Variants in GPI observed in about 807,000 individuals in gnomAD.
GPI encodes the protein D-hexose-6-phosphate anomerase.
Under a neutral mutation model 75.8 loss-of-function variants are expected in GPI, and 56 were observed. That is an observed-to-expected ratio of 0.74 (90% confidence interval 0.60 to 0.92). GPI has a LOEUF of 0.92. Ranked by LOEUF, GPI falls within the 40% of genes least tolerant of loss-of-function variation. The pLI is 0.00. For missense variants in GPI, 638 were observed against 741.0 expected, an observed-to-expected ratio of 0.86 and a Z score of 1.61; for synonymous variants, 288 against 285.4, an observed-to-expected ratio of 1.01 and a Z score of -0.09.
chr19:34,396,507 A>G (rs2074947409), intron 13 of GPI, 74 bp from the exon 14 acceptor site: 1 of 1,611,762 alleles, frequency 6.2e-7, no homozygotes, highest in Non-Finnish European at 8.5e-7. Flanking sequence ...CACTTAGGTC[A>G]GTGCCCTCCT....
At chr19:34,396,164 C>G in intron 12 of GPI, 137 bp from the exon 13 acceptor site, 1 of 866,052 alleles carries the variant, frequency 1.2e-6, no homozygotes, top group Non-Finnish European at 1.9e-6. Context: ...TCTCAAACTT[C>G]CAACCTCAGG....
At chr19:34,387,974 A>G (rs1391659787) in intron 9 of GPI, among the ~76,000 whole-genome samples, 2 of 152,146 alleles carry the variant, frequency 1.3e-5, no homozygotes, top group East Asian at 3.9e-4. Context: ...AGCCGTAGTC[A>G]TTGTAGGTGT....
intron 12 of GPI, among the ~76,000 whole-genome samples, chr19:34,395,871 AAG>A (rs1450277421): frequency 6.6e-6 from 1 of 150,886 alleles, no homozygotes; most frequent in East Asian, 1.9e-4. Flanking sequence ...ACAGTGTGTG[AAG>A]GATCAAGACT....
At position 34,368,642 on chromosome 19, in the gene GPI, C is replaced by T. The variant is rs749722975; in HGVS notation, c.342C>T (p.Asp114=). The T allele has an allele frequency of 1.2e-5, 19 of 1,613,988 alleles. No homozygotes were observed. Among genetic ancestry groups the T allele is most frequent in the East Asian group, 6.7e-5 (3 of 44,902 alleles). ...GGTCAAACACACCCATCCTGGTAGA[C>T]GGCAAGGATGTGATGCCAGAGGTCA... is the stretch of plus-strand genomic sequence containing the variant. ...RNRSNTPILV[D]GKDVMPEVNK... The change falls in exon 4 of 18, where the codon GAC becomes GAT. Residue 114 remains aspartate, a synonymous_variant. Transcript: ENST00000356487.
chr19:34,368,517 C>G (rs1599805564), intron 3 of GPI, 66 bp from the exon 4 acceptor site: 1 of 1,591,826 alleles, frequency 6.3e-7, no homozygotes, highest in African/African-American at 1.3e-5. Context: ...GGCACCATGC[C>G]CAGCTGGGAG....
chr19:34,380,820 C>T lies in GPI; in HGVS notation c.751-646C>T, dbSNP rs148976365. 3.2e-4 allele frequency: 58 copies of T among 181,242 alleles called. No homozygotes were observed. In the East Asian group the frequency reaches 7.2e-3, roughly 22 times the overall value. The allele number at this position is 181,242 out of a possible 1,614,324, so 11.2% of individuals were successfully genotyped here. ...ACCATCATCCCCACATCTCTGCCTC[C>T]AGTGCCTACCCAGCTGCAGCAGGAC... On this transcript the variant is annotated intron_variant, in intron 8 of 17. Coordinates refer to ENST00000356487, the MANE Select transcript of GPI (RefSeq NM_000175.5).
At chr19:34,390,147 C>G (rs2074800169) in intron 9 of GPI, among the ~76,000 whole-genome samples, 1 of 151,962 alleles carries the variant, frequency 6.6e-6, no homozygotes, top group Admixed American at 6.6e-5. Flanking sequence ...GGCACAGGTA[C>G]AAAGTGATGA....
At chr19:34,364,024 C>CTT (rs1488271050), upstream of GPI, among the ~76,000 whole-genome samples, 1 of 151,824 alleles carries the variant, frequency 6.6e-6, no homozygotes, top group Non-Finnish European at 1.5e-5. Flanking sequence ...TCCCTATTTT[C>CTT]TTTTCTTTTC....
rs976102714 is a variant in GPI, at chr19:34,393,833, C to A, written c.909+62C>A. 6.2e-6 allele frequency: 10 copies of A among 1,602,010 alleles called. No individual in the cohort carries two copies. The highest frequency in any genetic ancestry group is 8.5e-6 in the Non-Finnish European group (10 of 1,170,486). On this transcript the variant is annotated intron_variant, in intron 11 of 17. Coordinates refer to ENST00000356487, the MANE Select transcript of GPI (RefSeq NM_000175.5). This position sits in a 1 kb window ranked among gnomAD's most constrained non-coding sequence, Gnocchi z 4.4. ...CAGAGGCGCGTGTGTTGGTCCTGGT[C>A]CCCCGCTTTCTCCCCCACTGTCCTG...
intron 9 of GPI, among the ~76,000 whole-genome samples, chr19:34,384,018 G>A (rs1342639041): frequency 6.6e-6 from 1 of 152,166 alleles, no homozygotes; most frequent in East Asian, 1.9e-4. Flanking sequence ...GGTTTCTAGG[G>A]GAGGCCTGAG....
chr19:34,365,463 CG>C, intron 1 of GPI, 75 bp downstream of exon 1: 1 of 1,507,298 alleles, frequency 6.6e-7, no homozygotes, highest in Non-Finnish European at 8.9e-7. Context: ...GGTCTGGAGG[CG>C]GGGGCAGCGG....
At chr19:34,366,310 A>G (rs933488928) in intron 1 of GPI, 35 bp from the exon 2 acceptor site, 3 of 1,334,824 alleles carry the variant, frequency 2.2e-6, no homozygotes, top group Non-Finnish European at 3.2e-6. Context: ...TAGGGAGACC[A>G]GGGTGTGGTC....
intron 12 of GPI, among the ~76,000 whole-genome samples, chr19:34,395,174 A>G (rs2074926180): frequency 6.6e-6 from 1 of 152,182 alleles, no homozygotes; most frequent in South Asian, 2.1e-4. Context: ...GAGGGTTGCC[A>G]TGACCAGGGC....
intron 8 of GPI, chr19:34,381,133 C>A (rs1237280784): frequency 7.0e-6 from 3 of 426,352 alleles, no homozygotes; most frequent in Non-Finnish European, 1.3e-5. Flanking sequence ...GTATCATGCT[C>A]TGGTGTCCCA....
chr19:34,359,911 C>T (rs2074292306), upstream of GPI: 1 of 152,358 alleles, frequency 6.6e-6, no homozygotes, highest in Non-Finnish European at 1.5e-5. Flanking sequence ...GTGCTAGCTT[C>T]ATCAATACTC....
chr19:34,394,583 G>A (rs1396920772), intron 12 of GPI, among the ~76,000 whole-genome samples: 3 of 38,046 alleles, frequency 7.9e-5, no homozygotes, highest in African/African-American at 2.9e-4. Flanking sequence ...AAAAGCAAGT[G>A]TGTATCTAGT....
intron 16 of GPI, 40 bp from the exon 17 acceptor site, chr19:34,399,679 C>T: frequency 6.2e-7 from 1 of 1,613,382 alleles, no homozygotes; most frequent in Non-Finnish European, 8.5e-7. Flanking sequence ...TTGGAATGGG[C>T]TTGTGGAGCC....
chr19:34,394,864 C>A (rs1273312219), intron 12 of GPI, among the ~76,000 whole-genome samples: 3 of 152,098 alleles, frequency 2.0e-5, no homozygotes, highest in Non-Finnish European at 4.4e-5. Flanking sequence ...CAGGCATGCA[C>A]CACCTTGCCT....
intron 9 of GPI, among the ~76,000 whole-genome samples, chr19:34,390,356 T>A (rs2074802993): frequency 2.0e-5 from 3 of 152,084 alleles, no homozygotes; most frequent in Admixed American, 6.6e-5. Flanking sequence ...GGTCTTTCAT[T>A]GTCCAAGGAA....
Sources: gnomAD v4.1 joint callset for allele counts (sites outside exome capture counted in the v4.1 genomes callset) on GRCh38, gnomAD v4.1.1 for gene constraint, Gnocchi (gnomAD v3.1) non-coding constraint, MANE v1.5 for transcripts, NCBI Gene and HGNC (gene_info 2026-07-23, HGNC 2026-07-21) for gene names.